COL13A1: variants seen among roughly 807,000 people sequenced by gnomAD.
The protein encoded by COL13A1 is collagen alpha-1(XIII) chain.
In COL13A1, 89 loss-of-function variants were observed where a neutral mutation model predicts 130.9. The observed-to-expected ratio is 0.68, with a 90% CI of 0.57 to 0.81. The LOEUF is 0.81. Among genes scored for constraint, COL13A1 ranks in the 30% least tolerant of loss-of-function variants. The pLI is 0.00. For synonymous variants in COL13A1, 402 were observed against 341.6 expected (o/e 1.18, Z -1.95); for missense variants, 879 against 934.6 (o/e 0.94, Z 0.78).
chr10:69,943,923 G>T (rs192614397), intron 35 of COL13A1, among the ~76,000 whole-genome samples: 2 of 152,324 alleles, frequency 1.3e-5, no homozygotes, highest in East Asian at 3.9e-4. Context: ...TGGCTCTGAG[G>T]CATGGGGAGG....
At chr10:69,872,935 G>A (rs946785913) in intron 4 of COL13A1, among the ~76,000 whole-genome samples, 1 of 152,222 alleles carries the variant, frequency 6.6e-6, no homozygotes, top group African/African-American at 2.4e-5. Flanking sequence ...GTTGCTTGTG[G>A]TCTGTGCTCC....
intron 2 of COL13A1, among the ~76,000 whole-genome samples, chr10:69,846,542 C>T (rs1853154382): frequency 1.3e-5 from 2 of 152,216 alleles, no homozygotes; most frequent in African/African-American, 4.8e-5. Context: ...GAACACCCTT[C>T]TGCTTTCTTC....
chr10:69,832,727 C>G (rs1232117562), intron 2 of COL13A1, among the ~76,000 whole-genome samples: 1 of 152,122 alleles, frequency 6.6e-6, no homozygotes. Flanking sequence ...GTTGGAGGGC[C>G]TTGGAACCCC....
intron 1 of COL13A1, among the ~76,000 whole-genome samples, chr10:69,818,760 G>T (rs961410397): frequency 6.6e-6 from 1 of 152,236 alleles, no homozygotes; most frequent in Non-Finnish European, 1.5e-5. Flanking sequence ...AGAGAGAGCA[G>T]AGTCTCCCTT....
chr10:69,881,692 G>C (rs1264172471), intron 7 of COL13A1, among the ~76,000 whole-genome samples: 1 of 152,148 alleles, frequency 6.6e-6, no homozygotes, highest in African/African-American at 2.4e-5. Flanking sequence ...TTTACAGCAA[G>C]GTTTTCTTCT....
At position 69,904,905 on chromosome 10, in the gene COL13A1, C is replaced by CTTTTTTTTTTTTT. The variant is rs60054259; in HGVS notation, c.859-23_859-11dup. The CTTTTTTTTTTTTT allele has an allele frequency of 2.2e-5, 32 of 1,475,794 alleles. 2 individuals carry two copies. Among genetic ancestry groups the CTTTTTTTTTTTTT allele is most frequent in the South Asian group, 7.6e-5 (6 of 78,976 alleles). 91.4% of individuals were successfully genotyped at this position (1,475,794 alleles called of 1,614,324 possible). On this transcript the variant is annotated intron_variant, in intron 15 of 40. Transcript: ENST00000645393. ...CAGCTCTACTCACCTTTTCTTTTTT[C>CTTTTTTTTTTTTT]TTTTTTTTTTTTTTTTTGCTTCCAC...
intron 35 of COL13A1, among the ~76,000 whole-genome samples, chr10:69,941,593 C>A (rs1308458977): frequency 6.6e-6 from 1 of 152,350 alleles, no homozygotes; most frequent in African/African-American, 2.4e-5. Context: ...ACCACCCTTG[C>A]ACTGCCTATG....
At chr10:69,922,045 G>A (rs546644839) in intron 22 of COL13A1, 110 bp downstream of exon 22, 4 of 1,328,050 alleles carry the variant, frequency 3.0e-6, no homozygotes, top group Non-Finnish European at 4.1e-6. Context: ...CTCCCAGACT[G>A]CAGGAAAGGC....
At position 69,936,764 on chromosome 10, in the gene COL13A1, A is replaced by G. The variant is rs2066978541; in HGVS notation, c.1779A>G (p.Gln593=). Residue 593 remains glutamine (Q), a synonymous_variant, in exon 33 of 41, where the codon CAA becomes CAG. Coordinates refer to ENST00000645393, the MANE Select transcript of COL13A1 (RefSeq NM_001368882.1). ...PEGPPGPPGL[Q]GVPGPKGEAG... The stretch of plus-strand genomic sequence containing the variant: ...CTTTATTCCAAATGCAGGGGCTCCA[A>G]GGTGTTCCTGGACCAAAGGTAAGGA... 6.2e-7 allele frequency: 1 copy of G among 1,613,972 alleles called. No individual in the cohort carries two copies. Among genetic ancestry groups the G allele is most frequent in the East Asian group, 2.2e-5 (1 of 44,876 alleles).
intron 10 of COL13A1, among the ~76,000 whole-genome samples, chr10:69,894,247 G>A (rs1320722384): frequency 6.6e-6 from 1 of 152,212 alleles, no homozygotes; most frequent in African/African-American, 2.4e-5. Context: ...GGGTCCCATG[G>A]AGCAGAAAAC....
At chr10:69,901,646 C>T (rs2062192823) in intron 14 of COL13A1, among the ~76,000 whole-genome samples, 1 of 152,226 alleles carries the variant, frequency 6.6e-6, no homozygotes. Flanking sequence ...GGCCCCTCCT[C>T]ACAAGAGCTA....
At chr10:69,892,363 A>G (rs1430570995) in intron 10 of COL13A1, among the ~76,000 whole-genome samples, 1 of 151,838 alleles carries the variant, frequency 6.6e-6, no homozygotes, top group Non-Finnish European at 1.5e-5. Flanking sequence ...AAAGGGAGTC[A>G]CCTCTGCCCC....
chr10:69,884,375 C>T (rs1324080430), intron 7 of COL13A1, among the ~76,000 whole-genome samples: 1 of 152,214 alleles, frequency 6.6e-6, no homozygotes, highest in East Asian at 1.9e-4. Flanking sequence ...AATGGTTAAA[C>T]ATTTGCCGGC....
At chr10:69,937,781 G>T in intron 34 of COL13A1, 66 bp downstream of exon 34, 1 of 758,698 alleles carries the variant, frequency 1.3e-6, no homozygotes, top group Non-Finnish European at 2.4e-6. Context: ...TGGGACTGGG[G>T]GACAGCCAGC....
chr10:69,935,980 C>A (rs2066782441), intron 32 of COL13A1, among the ~76,000 whole-genome samples: 1 of 147,930 alleles, frequency 6.8e-6, no homozygotes. Flanking sequence ...CACTGCACTC[C>A]AACCTGGGCA....
intron 2 of COL13A1, among the ~76,000 whole-genome samples, chr10:69,852,530 A>C (rs972379995): frequency 5.3e-5 from 8 of 152,266 alleles, no homozygotes; most frequent in Non-Finnish European, 1.2e-4. Flanking sequence ...GCCAGCACCA[A>C]CATAGAGCAG....
intron 3 of COL13A1, 42 bp from the exon 4 acceptor site, chr10:69,872,142 C>T (rs756354111): frequency 9.3e-6 from 15 of 1,613,286 alleles, no homozygotes; most frequent in Middle Eastern, 1.6e-4. Flanking sequence ...TTAGGTGTTA[C>T]GATACCTGCC....
intron 17 of COL13A1, among the ~76,000 whole-genome samples, chr10:69,906,086 A>T (rs1202520851): frequency 6.6e-6 from 1 of 152,108 alleles, no homozygotes; most frequent in East Asian, 1.9e-4. Flanking sequence ...AGTCAGAAGC[A>T]CTCCTGCACA....
rs769165752 is a variant in COL13A1, at chr10:69,923,816, C to A, written c.1245C>A (p.Val415=). The A allele has an allele frequency of 6.2e-7, 1 of 1,611,156 alleles. No homozygotes were observed. The highest frequency in any genetic ancestry group is 1.7e-5 in the Admixed American group (1 of 59,686). The part of the protein sequence containing the change: ...GPPGPKGEAG[V]DGQVGPPGQP... ...CTCTTCCCCAGGGAGAAGCAGGTGT[C>A]GATGGCCAGGTTGGCCCCCCAGGGC... Residue 415 remains valine, a synonymous_variant, in exon 24 of 41, where the codon GTC becomes GTA. Transcript: ENST00000645393.
Sources: allele counts gnomAD v4.1 joint callset (sites outside exome capture counted in the v4.1 genomes callset), GRCh38; gene constraint gnomAD v4.1.1; transcripts MANE v1.5; gene names NCBI Gene and HGNC (gene_info 2026-07-23, HGNC 2026-07-21).